Variants in DDX1 observed in about 807,000 individuals in gnomAD.
The protein encoded by DDX1 is DEAD-box helicase 1.
A neutral mutation model predicts 108.7 loss-of-function variants in DDX1; 28 were observed. The observed-to-expected ratio is 0.26, with a 90% CI of 0.19 to 0.35. The LOEUF is 0.35. Ranked by LOEUF, DDX1 falls within the 10% of genes least tolerant of loss-of-function variation. The pLI is 1.00. For missense variants in DDX1, 710 were observed against 884.5 expected, an observed-to-expected ratio of 0.80 and a Z score of 2.50; for synonymous variants, 295 against 288.9, an observed-to-expected ratio of 1.02 and a Z score of -0.21.
At chr2:15,607,970 T>C (rs1665691597) in intron 13 of DDX1, among the ~76,000 whole-genome samples, 3 of 152,212 alleles carry the variant, frequency 2.0e-5, no homozygotes, top group Non-Finnish European at 4.4e-5. Flanking sequence ...GCGAGGTTTA[T>C]TCTAGACTGC....
At chr2:15,616,526 G>A (rs1485094253) in intron 14 of DDX1, among the ~76,000 whole-genome samples, 2 of 152,182 alleles carry the variant, frequency 1.3e-5, no homozygotes, top group African/African-American at 4.8e-5. Flanking sequence ...GAGGCTCACT[G>A]TTCTCTTCTA....
rs1161011326 is a variant in DDX1, at chr2:15,620,308, C to G, written c.1307C>G (p.Ser436Cys). The G allele has an allele frequency of 3.1e-6, 5 of 1,613,846 alleles. No individual in the cohort carries two copies. Among genetic ancestry groups the G allele is most frequent in the Non-Finnish European group, 2.5e-6 (3 of 1,179,868 alleles). ...PTWVDLKGEDSVPDTVHHVVV... is the reference protein window; with the variant it reads ...PTWVDLKGEDCVPDTVHHVVV... The stretch of plus-strand genomic sequence containing the variant: ...TGGGTTGACTTAAAAGGAGAAGACT[C>G]TGTTCCAGATACTGTACACCATGTT... Residue 436 changes from serine to cysteine, a missense_variant, in exon 17 of 26, where the codon TCT (serine) becomes TGT (cysteine). Physicochemically the swap from Ser to Cys is moderately radical, Grantham distance 112. Transcript: ENST00000233084.
Position 15,597,391 on chromosome 2 carries a change from T to A in DDX1, c.179T>A (p.Val60Asp). ...CTTTGATAGGCTTTTAGTATTCCAG[T>A]TATCCAGATAGTTTATGAAACTCTG... Reference protein sequence around the residue: ...SGKTGAFSIPVIQIVYETLKD... With the variant: ...SGKTGAFSIPDIQIVYETLKD... The change falls in exon 5 of 26, where the codon GTT becomes GAT. Residue 60 changes from valine to aspartate, a missense_variant. Val to Asp is a radical substitution (Grantham distance 152). Coordinates refer to ENST00000233084, the MANE Select transcript of DDX1 (RefSeq NM_004939.3). The A allele has an allele frequency of 1.2e-6, 2 of 1,603,288 alleles. No individual in the cohort carries two copies. Among genetic ancestry groups the A allele is most frequent in the Non-Finnish European group, 1.7e-6 (2 of 1,175,226 alleles).
intron 1 of DDX1, among the ~76,000 whole-genome samples, chr2:15,593,045 T>A (rs936061650): frequency 1.3e-5 from 2 of 151,990 alleles, no homozygotes; most frequent in Non-Finnish European, 2.9e-5. Flanking sequence ...CTCAGCCTCC[T>A]GAGTAGCTGG....
intron 18 of DDX1, among the ~76,000 whole-genome samples, chr2:15,623,129 G>A (rs1666038011): frequency 6.6e-6 from 1 of 152,150 alleles, no homozygotes; most frequent in East Asian, 1.9e-4. Context: ...TTTGCTGTAT[G>A]TATTTCTGTT....
intron 14 of DDX1, 38 bp from the exon 15 acceptor site, chr2:15,617,205 CT>C: frequency 9.3e-7 from 1 of 1,076,530 alleles, no homozygotes; most frequent in East Asian, 2.6e-5. Flanking sequence ...TATACTGTTT[CT>C]TTAGTTTTCA....
chr2:15,616,842 C>G lies in DDX1; in HGVS notation c.1018-402C>G, dbSNP rs149768378. 3.8e-3 allele frequency among the ~76,000 whole-genome samples: 573 copies of G among 152,132 alleles called. 4 individuals are homozygous for G. The highest frequency in any genetic ancestry group is 0.013 in the African/African-American group (547 of 41,492). On this transcript the variant is annotated intron_variant, in intron 14 of 25. Transcript: ENST00000233084. ...ACCATCTTGAAAAAGAGAAGGTATT[C>G]CCCCAATTCAAAAATGGGAAAATTG...
intron 17 of DDX1, 110 bp downstream of exon 17, chr2:15,620,506 A>C (rs1665985446): frequency 2.6e-6 from 2 of 770,312 alleles, no homozygotes; most frequent in East Asian, 5.4e-5. Context: ...ATCAAAGAAA[A>C]GTCCAATACA....
intron 8 of DDX1, among the ~76,000 whole-genome samples, chr2:15,603,535 A>G (rs1464493731): frequency 6.6e-6 from 1 of 152,230 alleles, no homozygotes; most frequent in Non-Finnish European, 1.5e-5. Context: ...AATCTGTACC[A>G]CACAGTACCA....
At position 15,630,020 on chromosome 2, in the gene DDX1, T is replaced by A; in HGVS notation, c.2002T>A (p.Cys668Ser). 1 of 1,612,616 alleles carries A rather than the reference T, an allele frequency of 6.2e-7. No homozygotes were observed. The highest frequency in any genetic ancestry group is 8.5e-7 in the Non-Finnish European group (1 of 1,178,842). Residue 668 changes from cysteine to serine, a missense_variant, in exon 25 of 26, where the codon TGT becomes AGT. Around this residue, in one of 3 missense-constraint regions of DDX1, gnomAD observed 661 missense variants for 810.2 expected, o/e 0.82. Coordinates refer to ENST00000233084, the MANE Select transcript of DDX1 (RefSeq NM_004939.3). ...LLSEIEEHLN[C>S]TISQVEPDIK... ...ATCTGAGATAGAAGAACACCTGAACTGTACCATTTCTCAGGTTGAGCCGGA... is the reference window on the plus strand; with the variant it reads ...ATCTGAGATAGAAGAACACCTGAACAGTACCATTTCTCAGGTTGAGCCGGA...
At chr2:15,626,198 C>T (rs1391261017) in intron 19 of DDX1, among the ~76,000 whole-genome samples, 2 of 152,136 alleles carry the variant, frequency 1.3e-5, no homozygotes, top group Non-Finnish European at 2.9e-5. Context: ...CCCCTCCACA[C>T]ATACCCTAAC....
At chr2:15,630,145 T>C (rs1466002721) in intron 25 of DDX1, 35 bp downstream of exon 25, 1 of 1,608,762 alleles carries the variant, frequency 6.2e-7, no homozygotes, top group South Asian at 1.1e-5. Context: ...CAATTTTAAA[T>C]GTAAATATAC....
rs1475999513 is a variant in DDX1, at chr2:15,595,182, A to G, written c.54A>G (p.Glu18=). The G allele has an allele frequency of 1.2e-6, 2 of 1,611,570 alleles. No homozygotes were observed. The highest frequency in any genetic ancestry group is 1.7e-6 in the Non-Finnish European group (2 of 1,178,710). The change falls in exon 2 of 26, where the codon GAA becomes GAG. Residue 18 remains glutamate (E), a synonymous_variant. Coordinates refer to ENST00000233084, the MANE Select transcript of DDX1 (RefSeq NM_004939.3). ...GVMPEIAQAV[E]EMDWLLPTDI... The stretch of plus-strand genomic sequence containing the variant: ...TGCCTGAGATTGCACAAGCTGTGGA[A>G]GAGATGGATTGGCTGTAAGTACATA...
At chr2:15,624,580 C>T (rs942539157) in intron 19 of DDX1, among the ~76,000 whole-genome samples, 1 of 152,168 alleles carries the variant, frequency 6.6e-6, no homozygotes, top group South Asian at 2.1e-4. Flanking sequence ...GTCACTATCA[C>T]GAGAACAGCA....
chr2:15,630,025 C>T lies in DDX1; in HGVS notation c.2007C>T (p.Thr669=), dbSNP rs1243536166. 1 of 1,612,384 alleles carries T rather than the reference C, an allele frequency of 6.2e-7. No individual in the cohort carries two copies. The highest frequency in any genetic ancestry group is 8.5e-7 in the Non-Finnish European group (1 of 1,178,896). ...LSEIEEHLNC[T]ISQVEPDIKV... ...AGATAGAAGAACACCTGAACTGTAC[C>T]ATTTCTCAGGTTGAGCCGGATATAA... Residue 669 remains threonine, a synonymous_variant, in exon 25 of 26, where the codon ACC becomes ACT. Transcript: ENST00000233084.
chr2:15,611,483 TC>T (rs1379213375), intron 13 of DDX1, among the ~76,000 whole-genome samples: 1 of 142,730 alleles, frequency 7.0e-6, no homozygotes, highest in Non-Finnish European at 1.5e-5. Flanking sequence ...TCCCCCCACC[TC>T]CCGGACGGGG....
chr2:15,604,677 C>T (rs1665636975), intron 10 of DDX1, among the ~76,000 whole-genome samples, 168 bp downstream of exon 10: 1 of 151,946 alleles, frequency 6.6e-6, no homozygotes, highest in Non-Finnish European at 1.5e-5. Flanking sequence ...CTGGTAAGTA[C>T]TGGAGGCACA....
Position 15,619,381 on chromosome 2 carries a change from C to T in DDX1, c.1207-827C>T, listed in dbSNP as rs549596661. ...TCTGGGCCTGGGAGCGGGTCCTGCC[C>T]AGCTTCGCGAAGGTTGGGGTGGCCC... On this transcript the variant is annotated intron_variant, in intron 16 of 25. Coordinates refer to ENST00000233084, the MANE Select transcript of DDX1 (RefSeq NM_004939.3). 1.6e-3 allele frequency among the ~76,000 whole-genome samples: 243 copies of T among 152,300 alleles called. 4 individuals are homozygous for T. The highest frequency in any genetic ancestry group is 5.5e-3 in the African/African-American group (228 of 41,564).
At position 15,611,662 on chromosome 2, in the gene DDX1, C is replaced by T. The variant is rs75958596; in HGVS notation, c.957-1562C>T. ...CCGGGCAGAGGCACCCCCCACCTCC[C>T]GGACGGGGCGGCTGGCCGGGCGGGG... On this transcript the variant is annotated intron_variant, in intron 13 of 25. Coordinates refer to ENST00000233084, the MANE Select transcript of DDX1 (RefSeq NM_004939.3). 9.4e-3 allele frequency among the ~76,000 whole-genome samples: 1,080 copies of T among 115,114 alleles called. 169 individuals carry two copies. In the East Asian group the frequency reaches 0.13, roughly 14 times the overall value. 75.5% of individuals were successfully genotyped at this position (115,114 alleles called of 152,430 possible).
Sources: allele counts gnomAD v4.1 joint callset (sites outside exome capture counted in the v4.1 genomes callset), GRCh38; gene constraint gnomAD v4.1.1; regional missense constraint gnomAD v4.1.1; transcripts MANE v1.5; gene names NCBI Gene and HGNC (gene_info 2026-07-23, HGNC 2026-07-21).